WWOX: variants seen among roughly 807,000 people sequenced by gnomAD.
WWOX encodes the protein WW domain containing oxidoreductase.
Under a neutral mutation model 46.2 loss-of-function variants are expected in WWOX, and 69 were observed. That is an observed-to-expected ratio of 1.49 (90% CI 1.23 to 1.82). The LOEUF is 1.82. Ranked by LOEUF, WWOX falls within the 40% of genes most tolerant of loss-of-function variation. The pLI is 0.00. For missense variants in WWOX, 919 were observed against 542.6 expected (o/e 1.69, Z -6.89); for synonymous variants, 359 against 202.6 (o/e 1.77, Z -6.56).
intron 8 of WWOX, among the ~76,000 whole-genome samples, chr16:78,777,679 C>T (rs1013419306): frequency 1.6e-4 from 25 of 152,130 alleles, no homozygotes; most frequent in African/African-American, 6.0e-4. Flanking sequence ...GAGTTCCAAG[C>T]CTTTACCTAA....
chr16:78,911,045 G>A (rs756495263), intron 8 of WWOX, among the ~76,000 whole-genome samples: 1 of 151,312 alleles, frequency 6.6e-6, no homozygotes, highest in Non-Finnish European at 1.5e-5. Context: ...CTTTCCCACA[G>A]CCTGTCGACT....
chr16:78,393,056 C>T (rs543194671), intron 6 of WWOX, among the ~76,000 whole-genome samples: 1 of 152,192 alleles, frequency 6.6e-6, no homozygotes, highest in African/African-American at 2.4e-5. Context: ...TAAGTTCCAC[C>T]CAAACTGGCT....
intron 8 of WWOX, among the ~76,000 whole-genome samples, chr16:78,995,127 A>G (rs1051730635): frequency 1.3e-5 from 2 of 151,816 alleles, no homozygotes; most frequent in African/African-American, 4.8e-5. Context: ...CTTGGCTCTG[A>G]TCACTCCTTT....
chr16:78,256,185 C>A (rs1048538837), intron 5 of WWOX, among the ~76,000 whole-genome samples: 1 of 144,178 alleles, frequency 6.9e-6, no homozygotes, highest in African/African-American at 2.6e-5. Context: ...GTAACTCATT[C>A]AAGGCTACAC....
intron 6 of WWOX, among the ~76,000 whole-genome samples, chr16:78,409,833 G>A (rs961655785): frequency 6.6e-6 from 1 of 152,150 alleles, no homozygotes; most frequent in African/African-American, 2.4e-5. Context: ...TCTGACCTTA[G>A]CCCTGTAGTC....
intron 8 of WWOX, among the ~76,000 whole-genome samples, chr16:78,743,903 G>T (rs370819801): frequency 4.6e-5 from 7 of 152,304 alleles, no homozygotes; most frequent in African/African-American, 1.7e-4. Context: ...TCTTTAACCA[G>T]GCTCTTGAGC....
chr16:78,162,632 G>C lies in WWOX; in HGVS notation c.410-1551G>C, dbSNP rs145623124. Among the ~76,000 whole-genome samples the C allele has an allele frequency of 3.3e-5, 5 of 152,004 alleles. No homozygotes were observed. The East Asian group carries it at 9.7e-4, about 29-fold the overall frequency. On this transcript the variant is annotated intron_variant, in intron 4 of 8. Transcript: ENST00000566780. ...GCTCAGGATACTTCTTTTTTTGGCC[G>C]TGTATGCGTCATTGATTTTGTAACA...
intron 8 of WWOX, among the ~76,000 whole-genome samples, chr16:79,019,724 C>A (rs928794060): frequency 6.6e-6 from 1 of 151,932 alleles, no homozygotes; most frequent in Non-Finnish European, 1.5e-5. Context: ...AGGGGCAGAC[C>A]TCTGGGTCTT....
intron 5 of WWOX, among the ~76,000 whole-genome samples, chr16:78,311,445 C>G (rs1408548644): frequency 6.6e-6 from 1 of 152,218 alleles, no homozygotes; most frequent in East Asian, 1.9e-4. Flanking sequence ...TCACTTCCTT[C>G]ACCCCCAGGA....
rs73572943 is a variant in WWOX at position 79,079,081 on chromosome 16, T to A, written c.1057-132527T>A. 3.5e-3 allele frequency among the ~76,000 whole-genome samples: 528 copies of A among 152,314 alleles called. 3 individuals are homozygous for A. Among genetic ancestry groups the A allele is most frequent in the African/African-American group, 0.012 (484 of 41,566 alleles). ...CTTTACAATTAGTGCCTTAACATAA[T>A]ATAAAATGACTTCTTGTTCATGTAA... On this transcript the variant is annotated intron_variant, in intron 8 of 8. Coordinates refer to ENST00000566780, the MANE Select transcript of WWOX (RefSeq NM_016373.4).
chr16:78,620,738 T>G (rs1005876288), intron 8 of WWOX, among the ~76,000 whole-genome samples: 16 of 152,178 alleles, frequency 1.1e-4, no homozygotes, highest in African/African-American at 3.6e-4. Context: ...AAATGCATAT[T>G]TGCATAGAAA....
chr16:78,977,114 A>G (rs2046587699), intron 8 of WWOX, among the ~76,000 whole-genome samples: 1 of 152,148 alleles, frequency 6.6e-6, no homozygotes, highest in Non-Finnish European at 1.5e-5. Flanking sequence ...TACAAGCTCT[A>G]ATATCTTCCT....
chr16:79,144,439 G>A (rs1382920106), intron 8 of WWOX, among the ~76,000 whole-genome samples: 2 of 152,178 alleles, frequency 1.3e-5, no homozygotes, highest in African/African-American at 2.4e-5. Flanking sequence ...GAGAGAACTG[G>A]AACATTCTGA....
Position 78,344,907 on chromosome 16 carries a change from C to T in WWOX, c.517-41953C>T, listed in dbSNP as rs1318544995. 1.7e-5 allele frequency among the ~76,000 whole-genome samples: 2 copies of T among 120,956 alleles called. 1 individual carries two copies. The highest frequency in any genetic ancestry group is 5.6e-5 in the African/African-American group (2 of 35,684). The allele number at this position is 120,956 out of a possible 152,430, so 79.4% of individuals were successfully genotyped here. A position where few individuals can be genotyped will look rare whatever the true frequency, so the allele number is the denominator to read the frequency against. ...CTTCAGGGTCAGACTGCTTGTGTTC[C>T]ATTCTTGATCCTATCACTTCCTTGC... is the stretch of plus-strand genomic sequence containing the variant. On this transcript the variant is annotated intron_variant, in intron 5 of 8. Coordinates refer to ENST00000566780, the MANE Select transcript of WWOX (RefSeq NM_016373.4).
chr16:79,084,958 G>T (rs1010295931), intron 8 of WWOX, among the ~76,000 whole-genome samples: 6 of 151,882 alleles, frequency 4.0e-5, no homozygotes, highest in African/African-American at 1.5e-4. Flanking sequence ...AGACACAGTT[G>T]TCTGTCTCCC....
chr16:78,516,701 C>G (rs1255664474), intron 8 of WWOX, among the ~76,000 whole-genome samples: 1 of 152,180 alleles, frequency 6.6e-6, no homozygotes, highest in South Asian at 2.1e-4. Context: ...AGGCAAAAGT[C>G]CAGCTGAAAT....
chr16:78,779,472 C>G (rs1004352584), intron 8 of WWOX, among the ~76,000 whole-genome samples: 9 of 152,240 alleles, frequency 5.9e-5, no homozygotes, highest in Admixed American at 5.9e-4. Flanking sequence ...TATTAAGGCT[C>G]AGAAAAGAGT....
At chr16:79,153,590 TTGCCTGTCCAAAAAGCAATAAAGAACCTC>T (rs2050323358) in intron 8 of WWOX, among the ~76,000 whole-genome samples, 2 of 152,304 alleles carry the variant, frequency 1.3e-5, no homozygotes, top group South Asian at 4.1e-4. Flanking sequence ...ACACAATCAG[TTGCCTGTCCAAAAAGCAATAAAGAACCTC>T]TAGATTTTGT....
At chr16:78,380,295 T>TG (rs1468132159) in intron 5 of WWOX, among the ~76,000 whole-genome samples, 1 of 152,208 alleles carries the variant, frequency 6.6e-6, no homozygotes, top group African/African-American at 2.4e-5. Context: ...ATTGAAATCT[T>TG]GCGTTGGGCT....
Sources: gnomAD v4.1 joint callset for allele counts (sites outside exome capture counted in the v4.1 genomes callset) on GRCh38, gnomAD v4.1.1 for gene constraint, MANE v1.5 for transcripts, NCBI Gene and HGNC (gene_info 2026-07-23, HGNC 2026-07-21) for gene names.